USP9X: variants seen among roughly 807,000 people sequenced by gnomAD.
USP9X encodes ubiquitin carboxyl-terminal hydrolase 9X.
A neutral mutation model predicts 190.3 loss-of-function variants in USP9X; 7 were observed. The ratio of observed to expected loss-of-function variants is 0.04; its 90% CI spans 0.02 to 0.07. The LOEUF (loss-of-function observed/expected upper bound fraction) is 0.07. USP9X is among the 10% of genes least tolerant of loss of function. The pLI is 1.00. For missense variants in USP9X, 1,010 were observed against 1,916.9 expected, an observed-to-expected ratio of 0.53 and a Z score of 8.83; for synonymous variants, 645 against 659.5, an observed-to-expected ratio of 0.98 and a Z score of 0.34.
Position 41,217,295 on chromosome X carries a change from C to A in USP9X, c.6161C>A (p.Thr2054Asn). The change falls in exon 36 of 45, where the codon ACT becomes AAT. Residue 2054 changes from threonine (T) to asparagine (N), a missense_variant. Physicochemically the swap from Thr to Asn is moderately conservative, Grantham distance 65. Transcript: ENST00000378308. ...CAACTTGCTGCTAGGTTCCTCTTTA[C>A]TACAGGATTTCACACAAAGAAAGTA... ...SIQLAARFLF[T>N]TGFHTKKVVR... is the part of the protein sequence containing the mutation. The A allele has an allele frequency of 8.3e-7, 1 of 1,210,649 alleles. No individual in the cohort carries two copies.
At chrX:41,089,297 ACTACTGTG>A (rs1220472317) in intron 1 of USP9X, among the ~76,000 whole-genome samples, 2 of 112,228 alleles carry the variant, frequency 1.8e-5, no homozygotes, top group Non-Finnish European at 3.8e-5. Context: ...TGGTGCTTCG[ACTACTGTG>A]CTATGTTAGT....
At chrX:41,105,955 C>T (rs1032106350) in intron 1 of USP9X, among the ~76,000 whole-genome samples, 3 of 111,706 alleles carry the variant, frequency 2.7e-5, no homozygotes, top group South Asian at 3.7e-4. Context: ...ATCCTTTGCC[C>T]ATTTTTCAAT....
At chrX:41,171,160 C>T (rs771243783) in intron 20 of USP9X, among the ~76,000 whole-genome samples, 4 of 111,500 alleles carry the variant, frequency 3.6e-5, no homozygotes, top group South Asian at 3.8e-4. Context: ...TACCACAAAA[C>T]GGATAGTTCT....
chrX:41,096,516 C>T (rs2061992534), intron 1 of USP9X, among the ~76,000 whole-genome samples: 1 of 111,810 alleles, frequency 8.9e-6, no homozygotes, highest in Admixed American at 9.5e-5. Context: ...GATCTCAGCT[C>T]AGTGCAACGT....
At chrX:41,117,741 A>G (rs1031415405) in intron 1 of USP9X, among the ~76,000 whole-genome samples, 11 of 104,493 alleles carry the variant, frequency 1.1e-4, no homozygotes, top group African/African-American at 3.2e-4. Context: ...TTGTATGTTT[A>G]TTAGAGGTGG....
chrX:41,176,695 T>G (rs968928003), intron 21 of USP9X, among the ~76,000 whole-genome samples: 1 of 112,429 alleles, frequency 8.9e-6, no homozygotes, highest in African/African-American at 3.2e-5. Flanking sequence ...TTTGCTCATT[T>G]TAATTTTTTT....
intron 21 of USP9X, among the ~76,000 whole-genome samples, chrX:41,177,986 G>C (rs1405219522): frequency 9.5e-6 from 1 of 105,798 alleles, no homozygotes. Flanking sequence ...GATGTTTCAA[G>C]CTTATCTATA....
chrX:41,226,351 A>G (rs2063312546), intron 41 of USP9X, among the ~76,000 whole-genome samples: 1 of 111,809 alleles, frequency 8.9e-6, no homozygotes. Context: ...AGAGTTATAT[A>G]ATAGATGATA....
At position 41,170,116 on chromosome X, in the gene USP9X, C is replaced by T; in HGVS notation, c.2758C>T (p.Leu920Phe). 1 of 1,211,806 alleles carries T rather than the reference C, an allele frequency of 8.3e-7. No individual in the cohort carries two copies. Among genetic ancestry groups the T allele is most frequent in the Non-Finnish European group, 1.1e-6 (1 of 895,537 alleles). ...AATTGGTTCAGTACGACGATGTATT[C>T]TCAATCGTATTAAAGCCAACGTAGC... Reference protein sequence around the residue: ...DTIGSVRRCILNRIKANVAHT... With the variant: ...DTIGSVRRCIFNRIKANVAHT... Residue 920 changes from leucine to phenylalanine, a missense_variant, in exon 19 of 45, where the codon CTC becomes TTC. Leu to Phe is a conservative substitution (Grantham distance 22). This residue lies in a region of USP9X where 351 missense variants were observed against 480.8 expected (regional missense o/e 0.73). Transcript: ENST00000378308.
At chrX:41,131,968 G>A (rs1004007101) in intron 4 of USP9X, among the ~76,000 whole-genome samples, 11 of 111,525 alleles carry the variant, frequency 9.9e-5, no homozygotes, top group Non-Finnish European at 2.1e-4. Context: ...TACTATGTAA[G>A]TCTACAAATT....
intron 33 of USP9X, among the ~76,000 whole-genome samples, chrX:41,211,918 G>A (rs1235192099): frequency 1.8e-5 from 2 of 109,777 alleles, no homozygotes; most frequent in African/African-American, 6.8e-5. Context: ...CTACTGGGAA[G>A]TGAGGAGCCC....
intron 6 of USP9X, 22 bp downstream of exon 6, chrX:41,137,044 A>C: frequency 1.1e-5 from 13 of 1,151,488 alleles, no homozygotes; most frequent in Non-Finnish European, 1.5e-5. Flanking sequence ...TGTTATTTTC[A>C]AAATTAAATA....
At chrX:41,228,632 T>A (rs2063335493) in intron 41 of USP9X, among the ~76,000 whole-genome samples, 1 of 112,247 alleles carries the variant, frequency 8.9e-6, no homozygotes, top group Non-Finnish European at 1.9e-5. Flanking sequence ...GTTATAACTT[T>A]TTTAAAGTTT....
In USP9X at chrX:41,208,611, G is replaced by A. The variant is rs191418169; in HGVS notation, c.5016-1898G>A. On this transcript the variant is annotated intron_variant, in intron 32 of 44. Transcript: ENST00000378308. Reference sequence around the variant, plus strand: ...CACCTTTATGTTATATTCTTTATGCGGTTTTACTAATTAACATTTTGCCAT... The same window carrying A: ...CACCTTTATGTTATATTCTTTATGCAGTTTTACTAATTAACATTTTGCCAT... 3.9e-3 allele frequency among the ~76,000 whole-genome samples: 434 copies of A among 111,625 alleles called. 2 individuals carry two copies. The highest frequency in any genetic ancestry group is 0.037 in the Middle Eastern group (8 of 216).
rs750131667 is a variant in USP9X, at chrX:41,204,858, G to C, written c.4825-445G>C. Among the ~76,000 whole-genome samples, 8 of 111,890 alleles carry C rather than the reference G, an allele frequency of 7.1e-5. No individual in the cohort carries two copies. The East Asian group carries it at 2.0e-3, about 27-fold the overall frequency. ...TCTCAGAATTTATCCCTGTCATTAA[G>C]CAAAGAATGACTATACTGATATAGG... On this transcript the variant is annotated intron_variant, in intron 31 of 44. Coordinates refer to ENST00000378308, the MANE Select transcript of USP9X (RefSeq NM_001039591.3).
In USP9X at chrX:41,085,551, C is replaced by T. The variant is rs1601919083; in HGVS notation, c.-717C>T. On this transcript the variant is annotated 5_prime_UTR_variant, in exon 1 of 45. Coordinates refer to ENST00000378308, the MANE Select transcript of USP9X (RefSeq NM_001039591.3). Reference sequence around the variant, plus strand: ...TCTCCGCACCCGGCCCCGTCAGGGCCTCTGTCGCGCCTAGCCCCTCCCCGC... The same window carrying T: ...TCTCCGCACCCGGCCCCGTCAGGGCTTCTGTCGCGCCTAGCCCCTCCCCGC... The T allele has an allele frequency of 2.1e-5, 5 of 241,866 alleles. No homozygotes were observed. The East Asian group carries it at 3.1e-4, about 15-fold the overall frequency. The allele number at this position is 241,866 out of a possible 1,213,427, so 19.9% of individuals were successfully genotyped here.
intron 31 of USP9X, among the ~76,000 whole-genome samples, chrX:41,203,786 C>T (rs761027820): frequency 7.2e-5 from 8 of 111,130 alleles, no homozygotes; most frequent in Non-Finnish European, 1.5e-4. Context: ...CAACCTCTGC[C>T]TCCTGGGTTC....
In USP9X at chrX:41,109,846, A is replaced by G. The variant is rs367826118; in HGVS notation, c.-158-13625A>G. ...GTATAATTTATCATAATGTGTGATA[A>G]GAATGATAAAGTCTGTGCAAATGAT... On this transcript the variant is annotated intron_variant, in intron 1 of 44. Coordinates refer to ENST00000378308, the MANE Select transcript of USP9X (RefSeq NM_001039591.3). Among the ~76,000 whole-genome samples, 87 of 111,852 alleles carry G rather than the reference A, an allele frequency of 7.8e-4. No individual in the cohort carries two copies. The South Asian group carries it at 0.013, about 17-fold the overall frequency.
At chrX:41,131,034 C>T (rs1178950427) in intron 3 of USP9X, among the ~76,000 whole-genome samples, 26 of 108,635 alleles carry the variant, frequency 2.4e-4, no homozygotes, top group African/African-American at 7.7e-4. Context: ...GCAACCCTGT[C>T]TCTTACCAAA....
Sources: allele counts gnomAD v4.1 joint callset (sites outside exome capture counted in the v4.1 genomes callset), GRCh38; gene constraint gnomAD v4.1.1; regional missense constraint gnomAD v4.1.1; transcripts MANE v1.5; gene names NCBI Gene and HGNC (gene_info 2026-07-23, HGNC 2026-07-21).